Variants in TECPR2 observed in about 807,000 individuals in gnomAD.
The protein encoded by TECPR2 is tectonin beta-propeller repeat-containing protein 2.
TECPR2 carries 65 observed loss-of-function variants against 138.1 expected under a neutral mutation model. The observed-to-expected ratio is 0.47, with a 90% CI of 0.39 to 0.58. The LOEUF (loss-of-function observed/expected upper bound fraction) is 0.58, where lower values mean the gene tolerates loss of function less well. TECPR2 is among the 20% of genes least tolerant of loss of function. TECPR2 has a pLI of 0.00. For synonymous variants in TECPR2, 746 were observed against 749.8 expected (o/e 0.99, Z 0.08); for missense variants, 1,553 against 1,824.5 (o/e 0.85, Z 2.71).
At chr14:102,448,697 C>G (rs1890054830) in intron 13 of TECPR2, among the ~76,000 whole-genome samples, 1 of 151,958 alleles carries the variant, frequency 6.6e-6, no homozygotes, top group African/African-American at 2.4e-5. Context: ...GAAACCCCAT[C>G]TTTACTAAAA....
intron 17 of TECPR2, among the ~76,000 whole-genome samples, chr14:102,490,876 A>G (rs577264324): frequency 6.6e-6 from 1 of 151,994 alleles, no homozygotes; most frequent in South Asian, 2.1e-4. Flanking sequence ...GCTAGTTCAT[A>G]TCTCTCCTCT....
At chr14:102,466,542 G>A (rs950546392) in intron 17 of TECPR2, among the ~76,000 whole-genome samples, 8 of 152,178 alleles carry the variant, frequency 5.3e-5, no homozygotes, top group South Asian at 4.1e-4. Flanking sequence ...GCCGCCTGTC[G>A]TTAGTTTCAT....
chr14:102,432,442 C>CA (rs2139727770), intron 8 of TECPR2, among the ~76,000 whole-genome samples: 1 of 152,124 alleles, frequency 6.6e-6, no homozygotes, highest in South Asian at 2.1e-4. Context: ...TTTTTTGCGA[C>CA]AGAGTTTCGC....
At chr14:102,453,463 G>C (rs1011893001) in intron 16 of TECPR2, among the ~76,000 whole-genome samples, 18 of 151,102 alleles carry the variant, frequency 1.2e-4, no homozygotes, top group Non-Finnish European at 1.9e-4. Context: ...CCAGGCAACA[G>C]AGCGAGATTC....
intron 17 of TECPR2, among the ~76,000 whole-genome samples, chr14:102,483,937 T>C (rs12881621): frequency 0.62 from 60,084 of 96,498 alleles, 20,307 homozygotes; most frequent in African/African-American, 0.74. Flanking sequence ...GCTGGGATTA[T>C]AGGCACCTGC....
rs759285897 is a variant in TECPR2, at chr14:102,499,196, C to T, written c.*939C>T. The T allele has an allele frequency of 1.3e-5, 9 of 700,212 alleles. No homozygotes were observed. The highest frequency in any genetic ancestry group is 7.0e-5 in the African/African-American group (4 of 57,198). The allele number at this position is 700,212 out of a possible 1,614,324, so 43.4% of individuals were successfully genotyped here. A position where few individuals can be genotyped will look rare whatever the true frequency, so the allele number is the denominator to read the frequency against. ...GGACGGCACAGGAGGGTGCATGGGGCGTGGGGGAGCTGAGCAAGGGTCGCT... is the reference window on the plus strand; with the variant it reads ...GGACGGCACAGGAGGGTGCATGGGGTGTGGGGGAGCTGAGCAAGGGTCGCT... On this transcript the variant is annotated 3_prime_UTR_variant, in exon 20 of 20. Transcript: ENST00000359520.
rs1261501250 is a variant in TECPR2 at position 102,389,991 on chromosome 14, AT to A, written c.219+13053del. On this transcript the variant is annotated intron_variant, in intron 2 of 19. Transcript: ENST00000359520. ...GTAAAAGGAGGAAAATAGTGTAACC[AT>A]TCTTAATAATTGAATGAATTCATAT... Among the ~76,000 whole-genome samples, 4 of 152,374 alleles carry A rather than the reference AT, an allele frequency of 2.6e-5. No individual in the cohort carries two copies. The South Asian group carries it at 8.3e-4, about 32-fold the overall frequency.
At chr14:102,494,022 T>C (rs959693987) in intron 17 of TECPR2, among the ~76,000 whole-genome samples, 2 of 152,206 alleles carry the variant, frequency 1.3e-5, no homozygotes, top group African/African-American at 4.8e-5. Context: ...TTGCTCATTT[T>C]ATTTCCTGGT....
In TECPR2 at chr14:102,412,446, T is replaced by C. The variant is rs184847389; in HGVS notation, c.481-2190T>C. Among the ~76,000 whole-genome samples the C allele has an allele frequency of 3.1e-3, 471 of 152,296 alleles. 8 individuals carry two copies. The highest frequency in any genetic ancestry group is 1.4e-3 in the Non-Finnish European group (98 of 68,028). On this transcript the variant is annotated intron_variant, in intron 4 of 19. Transcript: ENST00000359520. ...CCGTGCCAGCTGATAAATTTTCTAA[T>C]ACAATATCAAAAAAATACCTTCATT...
At chr14:102,384,758 T>C (rs1189541990) in intron 2 of TECPR2, among the ~76,000 whole-genome samples, 1 of 149,460 alleles carries the variant, frequency 6.7e-6, no homozygotes, top group African/African-American at 2.5e-5. Flanking sequence ...TGTGTGTATA[T>C]ATATATATCT....
chr14:102,398,085 AAAAAAAG>A (rs1158955506), intron 2 of TECPR2, among the ~76,000 whole-genome samples: 29 of 150,658 alleles, frequency 1.9e-4, no homozygotes, highest in South Asian at 4.2e-4. Flanking sequence ...AAAAAAAAAA[AAAAAAAG>A]AAAAAAGAAA....
At chr14:102,381,107 C>T (rs1430294831) in intron 2 of TECPR2, among the ~76,000 whole-genome samples, 1 of 151,946 alleles carries the variant, frequency 6.6e-6, no homozygotes, top group Non-Finnish European at 1.5e-5. Context: ...ATTACAGGCA[C>T]ACGCCACCAA....
intron 2 of TECPR2, among the ~76,000 whole-genome samples, chr14:102,401,171 G>A (rs1010270205): frequency 1.4e-4 from 21 of 152,078 alleles, no homozygotes; most frequent in Admixed American, 1.2e-3. Flanking sequence ...GGACGCAGTG[G>A]CTCACACCTG....
intron 17 of TECPR2, among the ~76,000 whole-genome samples, chr14:102,473,907 C>T (rs1890699407): frequency 6.6e-6 from 1 of 152,168 alleles, no homozygotes; most frequent in South Asian, 2.1e-4. Context: ...ACTGTGCTTA[C>T]AGTGGACTCT....
At chr14:102,487,714 T>C (rs1054525855) in intron 17 of TECPR2, among the ~76,000 whole-genome samples, 4 of 151,880 alleles carry the variant, frequency 2.6e-5, no homozygotes, top group Non-Finnish European at 5.9e-5. Flanking sequence ...GCTAATTTTT[T>C]GTATTTTTAG....
intron 17 of TECPR2, among the ~76,000 whole-genome samples, chr14:102,488,586 CG>C (rs1352678892): frequency 6.6e-6 from 1 of 151,826 alleles, no homozygotes; most frequent in Non-Finnish European, 1.5e-5. Flanking sequence ...TCAGGTGGTC[CG>C]CCTGCCTCAG....
intron 19 of TECPR2, among the ~76,000 whole-genome samples, 159 bp downstream of exon 19, chr14:102,497,878 G>T (rs1891331905): frequency 6.6e-6 from 1 of 152,194 alleles, no homozygotes; most frequent in African/African-American, 2.4e-5. Flanking sequence ...GGAGGGAAGG[G>T]GCTGGACACC....
intron 2 of TECPR2, among the ~76,000 whole-genome samples, chr14:102,405,987 G>A (rs976397514): frequency 4.0e-5 from 6 of 151,190 alleles, no homozygotes; most frequent in East Asian, 1.9e-4. Flanking sequence ...TCAAAATCAC[G>A]GTAAAAGGAA....
chr14:102,429,304 T>G (rs1889406639), intron 7 of TECPR2, among the ~76,000 whole-genome samples: 1 of 152,198 alleles, frequency 6.6e-6, no homozygotes, highest in Non-Finnish European at 1.5e-5. Flanking sequence ...GAAACCACTT[T>G]ACTGATCCCT....
Sources: gnomAD v4.1 joint callset for allele counts (sites outside exome capture counted in the v4.1 genomes callset) on GRCh38, gnomAD v4.1.1 for gene constraint, MANE v1.5 for transcripts, NCBI Gene and HGNC (gene_info 2026-07-23, HGNC 2026-07-21) for gene names.